Variants in PRKN observed in about 807,000 individuals in gnomAD.
PRKN encodes parkin RBR E3 ubiquitin protein ligase.
A neutral mutation model predicts 59.5 loss-of-function variants in PRKN; 56 were observed. The ratio of observed to expected loss-of-function variants is 0.94; its 90% CI spans 0.76 to 1.18. The LOEUF (loss-of-function observed/expected upper bound fraction) is 1.18, where lower values mean the gene tolerates loss of function less well. Among genes scored for constraint, PRKN ranks in the 50% most tolerant of loss-of-function variants. PRKN has a pLI of 0.00. For synonymous variants in PRKN, 250 were observed against 222.1 expected, an observed-to-expected ratio of 1.13 and a Z score of -1.12; for missense variants, 657 against 596.4, an observed-to-expected ratio of 1.10 and a Z score of -1.06.
Position 161,446,383 on chromosome 6 carries a change from A to G in PRKN, c.1084-59506T>C, listed in dbSNP as rs1402007021. ...GAGGAACTGGGAGATGCCAGCAGAC[A>G]CTGAGACCCAAAGGGGCCTGGCTTG... On this transcript the variant is annotated intron_variant, in intron 9 of 11. Transcript: ENST00000366898. The surrounding 1 kb of genome is among the most constrained non-coding windows in gnomAD (Gnocchi z 6.2). Among the ~76,000 whole-genome samples, 1 of 152,086 alleles carries G rather than the reference A, an allele frequency of 6.6e-6. No homozygotes were observed. The highest frequency in any genetic ancestry group is 2.4e-5 in the African/African-American group (1 of 41,406).
At chr6:161,715,794 G>C (rs903998694) in intron 7 of PRKN, among the ~76,000 whole-genome samples, 3 of 152,106 alleles carry the variant, frequency 2.0e-5, no homozygotes, top group African/African-American at 7.2e-5. Context: ...AGTCACTGGG[G>C]GGAATGACGG....
chr6:162,725,095 A>G (rs1293092974), intron 1 of PRKN, among the ~76,000 whole-genome samples: 1 of 152,208 alleles, frequency 6.6e-6, no homozygotes, highest in Non-Finnish European at 1.5e-5. Context: ...TTCTGGGCCC[A>G]GTCTTTTGGA....
intron 2 of PRKN, among the ~76,000 whole-genome samples, chr6:162,347,839 T>C (rs1784467915): frequency 6.6e-6 from 1 of 152,186 alleles, no homozygotes; most frequent in Non-Finnish European, 1.5e-5. Flanking sequence ...ATACTGGCTA[T>C]CAAGCATTGA....
intron 3 of PRKN, among the ~76,000 whole-genome samples, chr6:162,251,383 A>G (rs1261228713): frequency 6.6e-6 from 1 of 152,148 alleles, no homozygotes. Flanking sequence ...CCATTATGGA[A>G]TATGATGATC....
At chr6:161,675,696 A>G (rs1209122231) in intron 7 of PRKN, among the ~76,000 whole-genome samples, 1 of 152,082 alleles carries the variant, frequency 6.6e-6, no homozygotes, top group Non-Finnish European at 1.5e-5. Context: ...ATACATCCTA[A>G]CCTACTATTC....
chr6:162,703,354 T>A (rs1778225702), intron 1 of PRKN, among the ~76,000 whole-genome samples: 1 of 152,220 alleles, frequency 6.6e-6, no homozygotes, highest in South Asian at 2.1e-4. Context: ...TTTTAATATT[T>A]ATATACATTC....
intron 9 of PRKN, among the ~76,000 whole-genome samples, chr6:161,439,671 G>A (rs941312443): frequency 1.3e-5 from 2 of 150,948 alleles, no homozygotes; most frequent in African/African-American, 2.4e-5. Context: ...CAAAGAGCTA[G>A]AAGTGTACCT....
chr6:161,732,766 T>A (rs1375315145), intron 7 of PRKN, among the ~76,000 whole-genome samples: 1 of 152,024 alleles, frequency 6.6e-6, no homozygotes, highest in Admixed American at 6.6e-5. Context: ...GATGTCAGAG[T>A]TTTATGGGGC....
At chr6:162,204,844 T>C (rs991812985) in intron 3 of PRKN, among the ~76,000 whole-genome samples, 2 of 151,544 alleles carry the variant, frequency 1.3e-5, no homozygotes, top group African/African-American at 4.8e-5. Flanking sequence ...AAGAAGTCCA[T>C]CTTCTTCTTC....
intron 2 of PRKN, among the ~76,000 whole-genome samples, chr6:162,350,862 T>C (rs1469358992): frequency 6.6e-6 from 1 of 152,094 alleles, no homozygotes; most frequent in Non-Finnish European, 1.5e-5. Flanking sequence ...TGAAATATAC[T>C]ATTAAAATAT....
chr6:162,450,327 ACGCCCC>A (rs1790535922), intron 1 of PRKN, among the ~76,000 whole-genome samples: 6 of 98,308 alleles, frequency 6.1e-5, no homozygotes, highest in African/African-American at 1.5e-4. Context: ...GTGAATGTAA[ACGCCCC>A]TGTGATTGTA....
intron 6 of PRKN, among the ~76,000 whole-genome samples, chr6:161,938,447 T>C (rs1432005145): frequency 6.6e-6 from 1 of 152,224 alleles, no homozygotes; most frequent in Non-Finnish European, 1.5e-5. Flanking sequence ...TTTTAGTAGT[T>C]ACATTGTATG....
At chr6:161,479,384 A>T (rs1193005520) in intron 9 of PRKN, among the ~76,000 whole-genome samples, 1 of 152,160 alleles carries the variant, frequency 6.6e-6, no homozygotes, top group Non-Finnish European at 1.5e-5. Context: ...GAGATTCCTG[A>T]TCTTACTGGT....
At chr6:162,178,060 A>G (rs1281808297) in intron 4 of PRKN, among the ~76,000 whole-genome samples, 3 of 152,200 alleles carry the variant, frequency 2.0e-5, no homozygotes, top group Non-Finnish European at 4.4e-5. Flanking sequence ...TAGGCTAAGG[A>G]GGCATTCTCT....
At chr6:161,916,033 A>G (rs1260259702) in intron 6 of PRKN, among the ~76,000 whole-genome samples, 1 of 152,200 alleles carries the variant, frequency 6.6e-6, no homozygotes, top group African/African-American at 2.4e-5. Flanking sequence ...AATTTACTGA[A>G]AAAAAAGCAT....
At chr6:162,590,901 A>G (rs1781279198) in intron 1 of PRKN, among the ~76,000 whole-genome samples, 1 of 152,084 alleles carries the variant, frequency 6.6e-6, no homozygotes, top group Non-Finnish European at 1.5e-5. Context: ...CTGGCCCCAC[A>G]GACTATCCTC....
At chr6:162,513,796 G>A (rs1173999357) in intron 1 of PRKN, among the ~76,000 whole-genome samples, 1 of 151,992 alleles carries the variant, frequency 6.6e-6, no homozygotes, top group African/African-American at 2.4e-5. Flanking sequence ...GCTCATGCCT[G>A]TAATCCCAGC....
intron 1 of PRKN, among the ~76,000 whole-genome samples, chr6:162,620,742 TG>T (rs1782630651): frequency 8.4e-6 from 1 of 119,602 alleles, no homozygotes; most frequent in African/African-American, 3.4e-5. Flanking sequence ...TTAATAAAGA[TG>T]GGGTCTTTCT....
intron 4 of PRKN, among the ~76,000 whole-genome samples, chr6:162,140,213 C>A (rs1323032651): frequency 6.6e-6 from 1 of 152,152 alleles, no homozygotes; most frequent in Admixed American, 6.5e-5. Flanking sequence ...CTTTTAGTTT[C>A]CTGTTTAAAA....
Sources: allele counts gnomAD v4.1 joint callset (sites outside exome capture counted in the v4.1 genomes callset), GRCh38; gene constraint gnomAD v4.1.1; non-coding constraint Gnocchi (gnomAD v3.1); transcripts MANE v1.5; gene names NCBI Gene and HGNC (gene_info 2026-07-23, HGNC 2026-07-21).